The following ASIC2 variants were observed in gnomAD, a reference collection of about 807,000 sequenced individuals.
The protein encoded by ASIC2 is acid-sensing ion channel 2.
A neutral mutation model predicts 57.3 loss-of-function variants in ASIC2; 25 were observed. The observed-to-expected ratio is 0.44, with a 90% CI of 0.32 to 0.61. The LOEUF (loss-of-function observed/expected upper bound fraction) is 0.61. Ranked by LOEUF, ASIC2 falls within the 20% of genes least tolerant of loss-of-function variation. ASIC2 has a pLI of 0.06. For missense variants in ASIC2, 641 were observed against 738.1 expected, an observed-to-expected ratio of 0.87 and a Z score of 1.52; for synonymous variants, 319 against 307.5, an observed-to-expected ratio of 1.04 and a Z score of -0.39.
At chr17:33,862,568 TA>T (rs1270739137) in intron 1 of ASIC2, among the ~76,000 whole-genome samples, 1 of 152,104 alleles carries the variant, frequency 6.6e-6, no homozygotes, top group Non-Finnish European at 1.5e-5. Flanking sequence ...GTATTCCAGG[TA>T]AAATAGCTAG....
chr17:33,523,196 AG>A (rs1215951078), intron 1 of ASIC2, among the ~76,000 whole-genome samples: 1 of 152,324 alleles, frequency 6.6e-6, no homozygotes, highest in African/African-American at 2.4e-5. Flanking sequence ...TAAAGTACTC[AG>A]CCCCTCTGAA....
chr17:33,223,580 T>C (rs1297164022), intron 1 of ASIC2, among the ~76,000 whole-genome samples: 1 of 152,236 alleles, frequency 6.6e-6, no homozygotes, highest in Non-Finnish European at 1.5e-5. Flanking sequence ...CCAAATTAAT[T>C]AGTGTACTTT....
At chr17:33,831,105 TCAAA>T (rs1727939246) in intron 1 of ASIC2, among the ~76,000 whole-genome samples, 1 of 31,258 alleles carries the variant, frequency 3.2e-5, no homozygotes, top group Non-Finnish European at 5.0e-5. Context: ...TAAGGCTCTG[TCAAA>T]AAAAAAAAAA....
intron 1 of ASIC2, among the ~76,000 whole-genome samples, chr17:33,969,720 G>C (rs907732523): frequency 2.0e-5 from 3 of 152,130 alleles, no homozygotes; most frequent in African/African-American, 7.2e-5. Context: ...ATTCCTGGGG[G>C]CAGGAACTCC....
intron 1 of ASIC2, among the ~76,000 whole-genome samples, chr17:33,129,647 C>T (rs540147198): frequency 6.6e-6 from 1 of 152,284 alleles, no homozygotes; most frequent in South Asian, 2.1e-4. Context: ...ATAACTTAGG[C>T]ATGCCCTGAG....
At position 33,257,771 on chromosome 17, in the gene ASIC2, T is replaced by C. The variant is rs115729849; in HGVS notation, c.708+33637A>G. 2.0e-3 allele frequency among the ~76,000 whole-genome samples: 307 copies of C among 152,324 alleles called. 1 individual carries two copies. The highest frequency in any genetic ancestry group is 7.1e-3 in the African/African-American group (294 of 41,564). On this transcript the variant is annotated intron_variant, in intron 1 of 9. Transcript: ENST00000225823. ...GTACAACAGCAATGACAACCACATC[T>C]TCCTTCACAGCACTCATGTCCCAAG...
At chr17:33,404,950 A>G (rs955074126) in intron 1 of ASIC2, among the ~76,000 whole-genome samples, 1 of 152,112 alleles carries the variant, frequency 6.6e-6, no homozygotes, top group Non-Finnish European at 1.5e-5. Flanking sequence ...AAAAAACTTG[A>G]ATGACTTATT....
chr17:33,920,836 C>A (rs1915695874), intron 1 of ASIC2, among the ~76,000 whole-genome samples: 1 of 152,144 alleles, frequency 6.6e-6, no homozygotes, highest in African/African-American at 2.4e-5. Context: ...CTCCAGGAGC[C>A]CCCACCACAC....
chr17:33,062,819 G>A (rs973011050), intron 3 of ASIC2, among the ~76,000 whole-genome samples: 1 of 151,986 alleles, frequency 6.6e-6, no homozygotes, highest in African/African-American at 2.4e-5. Context: ...AGGTCTCTAA[G>A]GACTTGCTTT....
chr17:33,775,750 A>G (rs1047651561), intron 1 of ASIC2, among the ~76,000 whole-genome samples: 1 of 152,160 alleles, frequency 6.6e-6, no homozygotes, highest in Non-Finnish European at 1.5e-5. Flanking sequence ...TCCTCCTGAC[A>G]GTGAGTCTCA....
chr17:33,766,500 C>T (rs903829760), intron 1 of ASIC2, among the ~76,000 whole-genome samples: 1 of 152,180 alleles, frequency 6.6e-6, no homozygotes. Flanking sequence ...GGCTTCAAAG[C>T]ACTCTTCTCC....
intron 1 of ASIC2, among the ~76,000 whole-genome samples, chr17:33,162,164 G>T (rs1311895175): frequency 6.6e-6 from 1 of 152,076 alleles, no homozygotes; most frequent in Admixed American, 6.5e-5. Context: ...AGTCTTTTGT[G>T]AGAGCTTGGT....
At position 33,479,913 on chromosome 17, in the gene ASIC2, C is replaced by T. The variant is rs888719373; in HGVS notation, c.556-367846G>A. Among the ~76,000 whole-genome samples, 3 of 152,170 alleles carry T rather than the reference C, an allele frequency of 2.0e-5. No homozygotes were observed. The South Asian group carries it at 6.2e-4, about 32-fold the overall frequency. On this transcript the variant is annotated intron_variant, in intron 1 of 9. Transcript: ENST00000359872. ...TAAACATCCCCTCCATATCTTCAAC[C>T]TCCTCCTCCCCTTTGCTTCCTTGTG...
intron 1 of ASIC2, among the ~76,000 whole-genome samples, chr17:33,139,072 T>C (rs911559391): frequency 6.6e-5 from 10 of 152,198 alleles, no homozygotes; most frequent in Admixed American, 4.6e-4. Flanking sequence ...GGACAATCCC[T>C]AAACCTCCTT....
At chr17:33,662,865 G>A (rs181542149) in intron 1 of ASIC2, among the ~76,000 whole-genome samples, 11 of 151,880 alleles carry the variant, frequency 7.2e-5, no homozygotes, top group African/African-American at 1.2e-4. Flanking sequence ...TTAAGGTCAC[G>A]TACCAGCAAG....
At chr17:34,125,748 G>A (rs1307336550) in intron 1 of ASIC2, among the ~76,000 whole-genome samples, 1 of 152,198 alleles carries the variant, frequency 6.6e-6, no homozygotes, top group Non-Finnish European at 1.5e-5. Flanking sequence ...CAAGTAGTAG[G>A]TTGTGGGATT....
intron 1 of ASIC2, among the ~76,000 whole-genome samples, chr17:33,466,456 C>T (rs1912866603): frequency 6.6e-6 from 1 of 152,136 alleles, no homozygotes; most frequent in African/African-American, 2.4e-5. Context: ...CGTCAAGCCA[C>T]CAATGACTTT....
chr17:33,568,528 C>T (rs1168692513), intron 1 of ASIC2, among the ~76,000 whole-genome samples: 1 of 152,110 alleles, frequency 6.6e-6, no homozygotes, highest in Admixed American at 6.6e-5. Context: ...TGGTAAACTT[C>T]CGGAAATGGT....
At chr17:34,048,288 C>T (rs556399909) in intron 1 of ASIC2, among the ~76,000 whole-genome samples, 100 of 152,330 alleles carry the variant, frequency 6.6e-4, no homozygotes, top group Middle Eastern at 6.8e-3. Context: ...TATTTTTCTA[C>T]ATTCTTCTAA....
Sources: gnomAD v4.1 joint callset for allele counts (sites outside exome capture counted in the v4.1 genomes callset) on GRCh38, gnomAD v4.1.1 for gene constraint, MANE v1.5 for transcripts, NCBI Gene and HGNC (gene_info 2026-07-23, HGNC 2026-07-21) for gene names.